HAPLN3: variants seen among roughly 807,000 people sequenced by gnomAD.
HAPLN3 encodes the protein extracellular link domain containing, 1.
HAPLN3 carries 28 observed loss-of-function variants against 28.1 expected under a neutral mutation model. That is an observed-to-expected ratio of 1.00 (90% CI 0.74 to 1.37). HAPLN3 has a LOEUF of 1.37. HAPLN3 is among the 40% of genes most tolerant of loss of function. HAPLN3 has a pLI of 0.00. For synonymous variants in HAPLN3, 211 were observed against 213.1 expected (o/e 0.99, Z 0.09); for missense variants, 513 against 504.6 (o/e 1.02, Z -0.16).
At chr15:88,883,186 C>G (rs1330109533) in intron 2 of HAPLN3, among the ~76,000 whole-genome samples, 1 of 152,202 alleles carries the variant, frequency 6.6e-6, no homozygotes, top group Non-Finnish European at 1.5e-5. Flanking sequence ...GGGCCAGCAG[C>G]ATTAGCATCA....
In HAPLN3 at chr15:88,881,198, C is replaced by A; in HGVS notation, c.493+159G>T. 1.1e-6 allele frequency: 1 copy of A among 937,410 alleles called. No individual in the cohort carries two copies. The allele number at this position is 937,410 out of a possible 1,614,324, so 58.1% of individuals were successfully genotyped here. ...TGACCTCTCTGTGCCTCAGTTTTCT[C>A]ACCTGTAAAATGGGGGTCACAACAG... On this transcript the variant is annotated intron_variant, in intron 3 of 4. Transcript: ENST00000359595. This position sits in a 1 kb window ranked among gnomAD's most constrained non-coding sequence, Gnocchi z 6.0.
At chr15:88,892,655 G>C (rs1450402962) in intron 1 of HAPLN3, among the ~76,000 whole-genome samples, 2 of 152,090 alleles carry the variant, frequency 1.3e-5, no homozygotes, top group East Asian at 3.9e-4. Context: ...CCCTGGGAAA[G>C]TCATTTGACC....
Position 88,879,220 on chromosome 15 carries a change from G to A in HAPLN3, c.543C>T (p.Phe181=), listed in dbSNP as rs1897627160. Residue 181 remains phenylalanine (F), a synonymous_variant, in exon 4 of 5, where the codon TTC becomes TTT. Transcript: ENST00000359595. This position sits in a 1 kb window ranked among gnomAD's most constrained non-coding sequence, Gnocchi z 5.0. ...CTGCACAGACCTGCTGGCCCTCGTG[G>A]AAGTTGAACTGGTAGCGCCCGTTGG... is the stretch of plus-strand genomic sequence containing the variant. The part of the protein sequence containing the change: ...QSPNGRYQFN[F]HEGQQVCAEQ... The A allele has an allele frequency of 1.2e-6, 2 of 1,611,640 alleles. No homozygotes were observed. The highest frequency in any genetic ancestry group is 2.7e-5 in the African/African-American group (2 of 74,912).
rs182200416 is a variant in HAPLN3, at chr15:88,888,622, C to A, written c.-47-1277G>T. Reference sequence around the variant, plus strand: ...CCTCACTCATGTCACCCTAGCCCTGCTCACCTGCCATTTACTGCGTGCTCT... The same window carrying A: ...CCTCACTCATGTCACCCTAGCCCTGATCACCTGCCATTTACTGCGTGCTCT... On this transcript the variant is annotated intron_variant, in intron 1 of 4. Coordinates refer to ENST00000359595, the MANE Select transcript of HAPLN3 (RefSeq NM_178232.4). The surrounding 1 kb of genome is among the most constrained non-coding windows in gnomAD (Gnocchi z 4.1). Among the ~76,000 whole-genome samples, 27 of 152,312 alleles carry A rather than the reference C, an allele frequency of 1.8e-4. No individual in the cohort carries two copies. The East Asian group carries it at 5.2e-3, about 29-fold the overall frequency.
At chr15:88,892,297 A>T (rs1596178427) in intron 1 of HAPLN3, among the ~76,000 whole-genome samples, 1 of 152,134 alleles carries the variant, frequency 6.6e-6, no homozygotes, top group East Asian at 1.9e-4. Flanking sequence ...TCTCTACTAA[A>T]AATATAAAAA....
At chr15:88,893,117 A>G in intron 1 of HAPLN3, 1 of 754,424 alleles carries the variant, frequency 1.3e-6, no homozygotes, top group South Asian at 1.5e-5. Flanking sequence ...CCTCATCTGT[A>G]AAAAAAAGGA....
intron 1 of HAPLN3, chr15:88,893,138 G>A (rs539572970): frequency 3.6e-5 from 26 of 721,514 alleles, no homozygotes; most frequent in Admixed American, 2.2e-4. Context: ...ACTTAAGGCC[G>A]GGTGCAGTGG....
At chr15:88,885,263 C>G (rs1367051189) in intron 2 of HAPLN3, among the ~76,000 whole-genome samples, 1 of 152,170 alleles carries the variant, frequency 6.6e-6, no homozygotes, top group African/African-American at 2.4e-5. Context: ...CTTCCACAAA[C>G]AAGTGGAACA....
rs777176844 is a variant in HAPLN3, at chr15:88,879,236, C to T, written c.527G>A (p.Arg176His). The stretch of plus-strand genomic sequence containing the variant: ...GCCCTCGTGGAAGTTGAACTGGTAG[C>T]GCCCGTTGGGGGACTGGTAAGGAAA... ...VVFPYQSPNG[R>H]YQFNFHEGQQ... is the part of the protein sequence containing the mutation. The change falls in exon 4 of 5, where the codon CGC (arginine) becomes CAC (histidine). Residue 176 changes from arginine to histidine, a missense_variant. Transcript: ENST00000359595. This position sits in a 1 kb window ranked among gnomAD's most constrained non-coding sequence, Gnocchi z 5.0. 44 of 1,609,362 alleles carry T rather than the reference C, an allele frequency of 2.7e-5. 1 individual carries two copies. Among genetic ancestry groups the T allele is most frequent in the South Asian group, 1.0e-4 (9 of 90,426 alleles).
At position 88,878,948 on chromosome 15, in the gene HAPLN3, G is replaced by A. The variant is rs563239860; in HGVS notation, c.796+19C>T. ...GTGGCCACCAAACCCACAGGCCCGC[G>A]CTTGGCTATTCCACTCACCCTTGAG... On this transcript the variant is annotated intron_variant, in intron 4 of 4. Coordinates refer to ENST00000359595, the MANE Select transcript of HAPLN3 (RefSeq NM_178232.4). The A allele has an allele frequency of 3.1e-5, 49 of 1,591,392 alleles. No homozygotes were observed. Among genetic ancestry groups the A allele is most frequent in the East Asian group, 1.8e-4 (8 of 44,112 alleles).
intron 1 of HAPLN3, chr15:88,892,967 C>A (rs1898050882): frequency 1.3e-6 from 2 of 1,535,714 alleles, no homozygotes; most frequent in Non-Finnish European, 1.7e-6. Flanking sequence ...AAGTCCAGCC[C>A]AGTCACCTTG....
chr15:88,883,201 G>T (rs1897754169), intron 2 of HAPLN3, among the ~76,000 whole-genome samples: 1 of 152,186 alleles, frequency 6.6e-6, no homozygotes, highest in African/African-American at 2.4e-5. Flanking sequence ...GCATCACCAG[G>T]AATTTGTCAG....
chr15:88,887,427 C>T, intron 1 of HAPLN3, 82 bp from the exon 2 acceptor site: 1 of 1,288,414 alleles, frequency 7.8e-7, no homozygotes, highest in South Asian at 1.4e-5. Context: ...ACCACTCACT[C>T]GCTTGCTCAA....
Position 88,880,047 on chromosome 15 carries a change from A to C in HAPLN3, c.494-778T>G. 1.0e-6 allele frequency: 1 copy of C among 993,362 alleles called. No homozygotes were observed. Among genetic ancestry groups the C allele is most frequent in the Non-Finnish European group, 1.2e-6 (1 of 834,938 alleles). 61.5% of individuals were successfully genotyped at this position (993,362 alleles called of 1,614,324 possible). ...GGACCCAGGAACAGCCTGAGCCCCAAACCTCCGATCTCACCAGGGCCGGAA... is the reference window on the plus strand; with the variant it reads ...GGACCCAGGAACAGCCTGAGCCCCACACCTCCGATCTCACCAGGGCCGGAA... On this transcript the variant is annotated intron_variant, in intron 3 of 4. Transcript: ENST00000359595. This position sits in a 1 kb window ranked among gnomAD's most constrained non-coding sequence, Gnocchi z 6.0.
At chr15:88,884,363 G>C (rs1897789604) in intron 2 of HAPLN3, among the ~76,000 whole-genome samples, 1 of 152,172 alleles carries the variant, frequency 6.6e-6, no homozygotes, top group Non-Finnish European at 1.5e-5. Context: ...AGGAGATCGA[G>C]ACCATCCTGG....
chr15:88,881,404 A>C lies in HAPLN3; in HGVS notation c.446T>G (p.Ile149Ser). The change falls in exon 3 of 5, where the codon ATT becomes AGT. Residue 149 changes from isoleucine (I) to serine (S), a missense_variant. Physicochemically the swap from Ile to Ser is moderately radical, Grantham distance 142. Coordinates refer to ENST00000359595, the MANE Select transcript of HAPLN3 (RefSeq NM_178232.4). This position sits in a 1 kb window ranked among gnomAD's most constrained non-coding sequence, Gnocchi z 6.0. The part of the protein sequence containing the change: ...EDYGRYRCEV[I>S]DGLEDESGLV... Reference sequence around the variant, plus strand: ...ACCGCTTTCATCCTCCAGCCCGTCAATGACCTCACAGCGGTAACGCCCATA... The same window carrying C: ...ACCGCTTTCATCCTCCAGCCCGTCACTGACCTCACAGCGGTAACGCCCATA... 1 of 1,613,884 alleles carries C rather than the reference A, an allele frequency of 6.2e-7. No homozygotes were observed. The highest frequency in any genetic ancestry group is 8.5e-7 in the Non-Finnish European group (1 of 1,179,978).
rs1281867115 is a variant in HAPLN3, at chr15:88,880,539, C to G, written c.493+818G>C. ...AGCTGGGACGGGCTGGGGCTAAAGT[C>G]AGGTCACCTTCCTCTATCCCCGAAC... On this transcript the variant is annotated intron_variant, in intron 3 of 4. Coordinates refer to ENST00000359595, the MANE Select transcript of HAPLN3 (RefSeq NM_178232.4). The surrounding 1 kb of genome is among the most constrained non-coding windows in gnomAD (Gnocchi z 6.0). The G allele has an allele frequency of 2.3e-6, 3 of 1,286,928 alleles. No individual in the cohort carries two copies. In the Admixed American group the frequency reaches 6.9e-5, roughly 30 times the overall value. The allele number at this position is 1,286,928 out of a possible 1,614,324, so 79.7% of individuals were successfully genotyped here.
chr15:88,888,565 C>G lies in HAPLN3; in HGVS notation c.-47-1220G>C, dbSNP rs1206155433. Among the ~76,000 whole-genome samples the G allele has an allele frequency of 6.6e-6, 1 of 152,110 alleles. No homozygotes were observed. The highest frequency in any genetic ancestry group is 2.1e-4 in the South Asian group (1 of 4,826). On this transcript the variant is annotated intron_variant, in intron 1 of 4. Transcript: ENST00000359595. This position sits in a 1 kb window ranked among gnomAD's most constrained non-coding sequence, Gnocchi z 4.1. ...AAGATTTCTAGCAAACTCCCTTCCTCCCCCGCTTAAATCTCACACCAAGGG... is the reference window on the plus strand; with the variant it reads ...AAGATTTCTAGCAAACTCCCTTCCTGCCCCGCTTAAATCTCACACCAAGGG...
At chr15:88,886,696 A>G (rs1025857963) in intron 2 of HAPLN3, among the ~76,000 whole-genome samples, 5 of 151,974 alleles carry the variant, frequency 3.3e-5, no homozygotes, top group African/African-American at 1.2e-4. Context: ...ATGGTGGCAC[A>G]TGCTTGTAAT....
Sources: gnomAD v4.1 joint callset for allele counts (sites outside exome capture counted in the v4.1 genomes callset) on GRCh38, gnomAD v4.1.1 for gene constraint, Gnocchi (gnomAD v3.1) non-coding constraint, MANE v1.5 for transcripts, NCBI Gene and HGNC (gene_info 2026-07-23, HGNC 2026-07-21) for gene names.